Variants in SDK1 observed in about 807,000 individuals in gnomAD.
SDK1 encodes the protein sidekick cell adhesion molecule 1.
Under a neutral mutation model 245.5 loss-of-function variants are expected in SDK1, and 157 were observed. The observed-to-expected ratio is 0.64, with a 90% CI of 0.56 to 0.73. SDK1 has a LOEUF of 0.73. Among genes scored for constraint, SDK1 ranks in the 30% least tolerant of loss-of-function variants. The probability of loss-of-function intolerance (pLI) is 0.00; values close to 1 mark genes in which losing one functional copy is unlikely to be tolerated. For synonymous variants in SDK1, 1,647 were observed against 1,278.5 expected (o/e 1.29, Z -6.15); for missense variants, 3,583 against 3,002.3 (o/e 1.19, Z -4.52).
Position 3,515,293 on chromosome 7 carries a change from C to T in SDK1, c.299-103787C>T, listed in dbSNP as rs182326300. Among the ~76,000 whole-genome samples the T allele has an allele frequency of 4.9e-4, 75 of 152,206 alleles. 1 individual carries two copies. The East Asian group carries it at 0.014, about 28-fold the overall frequency. On this transcript the variant is annotated intron_variant, in intron 1 of 44. Transcript: ENST00000404826. ...TGTATTTTAGAAAAAGAAGAAAATT[C>T]GTTCTTCTTTTGTTGTGTCTATATT... is the stretch of plus-strand genomic sequence containing the variant.
chr7:3,366,218 C>G (rs1161496216), intron 1 of SDK1, among the ~76,000 whole-genome samples: 1 of 152,138 alleles, frequency 6.6e-6, no homozygotes, highest in Non-Finnish European at 1.5e-5. Context: ...GAGAAGCATT[C>G]TCTGTTTTCA....
intron 5 of SDK1, among the ~76,000 whole-genome samples, chr7:3,909,090 G>C (rs944191456): frequency 6.6e-6 from 1 of 152,182 alleles, no homozygotes; most frequent in Admixed American, 6.5e-5. Flanking sequence ...TGCCCTAAAA[G>C]TTATTTATTC....
At chr7:3,336,887 G>A (rs747337917) in intron 1 of SDK1, among the ~76,000 whole-genome samples, 152 of 152,192 alleles carry the variant, frequency 1.0e-3, no homozygotes, top group Non-Finnish European at 1.7e-3. Context: ...GGAGTGGGGG[G>A]CTAGTGGGTA....
At chr7:3,372,979 A>T (rs531290603) in intron 1 of SDK1, among the ~76,000 whole-genome samples, 1 of 152,218 alleles carries the variant, frequency 6.6e-6, no homozygotes, top group Non-Finnish European at 1.5e-5. Flanking sequence ...AATTTTGTAA[A>T]CTAAAATCCA....
intron 4 of SDK1, among the ~76,000 whole-genome samples, chr7:3,786,843 C>G (rs936279853): frequency 6.6e-6 from 1 of 152,028 alleles, no homozygotes; most frequent in African/African-American, 2.4e-5. Flanking sequence ...AGCTGGCACC[C>G]TACAACTCCC....
chr7:3,538,931 GT>G (rs1778973892), intron 1 of SDK1, among the ~76,000 whole-genome samples: 1 of 152,244 alleles, frequency 6.6e-6, no homozygotes, highest in Non-Finnish European at 1.5e-5. Flanking sequence ...CTTCTTGAAA[GT>G]TTTTTGCTGG....
chr7:3,386,044 C>G (rs529184534), intron 1 of SDK1, among the ~76,000 whole-genome samples: 2 of 152,004 alleles, frequency 1.3e-5, no homozygotes, highest in South Asian at 2.1e-4. Context: ...AGTAATATTA[C>G]TCAAATAAAC....
chr7:4,149,308 G>T lies in SDK1; in HGVS notation c.4470G>T (p.Val1490=). The T allele has an allele frequency of 6.3e-7, 1 of 1,584,598 alleles. No individual in the cohort carries two copies. The highest frequency in any genetic ancestry group is 1.2e-5 in the South Asian group (1 of 86,936). The change falls in exon 30 of 45, where the codon GTG becomes GTT. Residue 1490 remains valine (V), a synonymous_variant. Transcript: ENST00000404826. ...AGCTCCTGGTGCCCCAGGCAGAAGT[G>T]ACCGCACGCAGCCTCCGGCTCCAGT... ...PRELLVPQAE[V]TARSLRLQWV... is the part of the protein sequence containing the mutation.
chr7:3,831,921 CAT>C (rs1244336020), intron 5 of SDK1, among the ~76,000 whole-genome samples: 1 of 152,016 alleles, frequency 6.6e-6, no homozygotes, highest in Admixed American at 6.6e-5. Flanking sequence ...TGTGGTAGTG[CAT>C]ACCTGTGGCC....
chr7:3,435,980 T>C (rs544907866), intron 1 of SDK1, among the ~76,000 whole-genome samples: 1 of 152,248 alleles, frequency 6.6e-6, no homozygotes, highest in African/African-American at 2.4e-5. Flanking sequence ...ACATTAACTT[T>C]GGAGAGGTTT....
chr7:3,827,250 A>G (rs528158205), intron 5 of SDK1, among the ~76,000 whole-genome samples: 2 of 152,298 alleles, frequency 1.3e-5, no homozygotes, highest in East Asian at 3.9e-4. Flanking sequence ...ATAGATTTCC[A>G]AGGCGTAGGC....
In SDK1 at chr7:4,012,160, A is replaced by G. The variant is rs765916113; in HGVS notation, c.2345A>G (p.Asn782Ser). ...PKNIVASGRT[N>S]QSIMVQWQPP... is the part of the protein sequence containing the mutation. ...AATATAGTGGCCAGTGGGCGGACTA[A>G]TCAGTCCATTATGGTCCAGTGGCAG... The change falls in exon 16 of 45, where the codon AAT (asparagine) becomes AGT (serine). Residue 782 changes from asparagine to serine, a missense_variant. Asn to Ser is a conservative substitution (Grantham distance 46). Transcript: ENST00000404826. 23 of 1,581,000 alleles carry G rather than the reference A, an allele frequency of 1.5e-5. No homozygotes were observed. The highest frequency in any genetic ancestry group is 5.2e-6 in the Non-Finnish European group (6 of 1,163,850).
At chr7:3,897,658 C>T (rs1781647862) in intron 5 of SDK1, among the ~76,000 whole-genome samples, 1 of 152,108 alleles carries the variant, frequency 6.6e-6, no homozygotes, top group Non-Finnish European at 1.5e-5. Context: ...CCATTTGCCA[C>T]GTTCTTCTTA....
intron 16 of SDK1, among the ~76,000 whole-genome samples, chr7:4,012,549 CTTTT>C (rs777199429): frequency 7.7e-5 from 2 of 25,988 alleles, no homozygotes; most frequent in Non-Finnish European, 1.0e-4. Flanking sequence ...CAATGTGAAG[CTTTT>C]TTTTTTTTTT....
rs781148652 is a variant in SDK1, at chr7:3,642,033, C to A, written c.641C>A (p.Pro214His). The change falls in exon 4 of 45, where the codon CCC becomes CAC. Residue 214 changes from proline to histidine, a missense_variant. Pro to His is a moderately conservative substitution (Grantham distance 77). Transcript: ENST00000404826. ...CGTGCAGCGATTCTAAACCTGCTGC[C>A]CATCACCAGCTACCCCAGACCTCAA... ...QGRAAILNLL[P>H]ITSYPRPQVT... 3.1e-6 allele frequency: 5 copies of A among 1,613,366 alleles called. No homozygotes were observed. The African/African-American group carries it at 6.7e-5, about 22-fold the overall frequency.
intron 4 of SDK1, among the ~76,000 whole-genome samples, chr7:3,765,532 C>T (rs891825055): frequency 5.9e-5 from 9 of 152,114 alleles, no homozygotes; most frequent in Admixed American, 1.3e-4. Context: ...CGCTAGTTCT[C>T]GTTGTAGTGT....
intron 1 of SDK1, among the ~76,000 whole-genome samples, chr7:3,560,661 G>T (rs1174389554): frequency 1.3e-5 from 2 of 152,092 alleles, no homozygotes. Flanking sequence ...ATCAGAGCAG[G>T]TGGCACCCTT....
intron 35 of SDK1, among the ~76,000 whole-genome samples, chr7:4,187,930 G>A (rs943694914): frequency 2.0e-5 from 3 of 149,422 alleles, no homozygotes; most frequent in Non-Finnish European, 3.0e-5. Context: ...GAGGTTGAAC[G>A]GACTCCCAGT....
rs564596185 is a variant in SDK1, at chr7:3,743,746, C to T, written c.714-77704C>T. 1.7e-4 allele frequency among the ~76,000 whole-genome samples: 26 copies of T among 151,862 alleles called. No individual in the cohort carries two copies. In the East Asian group the frequency reaches 3.7e-3, roughly 22 times the overall value. ...AGGGTATATATCACCACTGTGTGTA[C>T]GAAAAAAATGATATAAAGAGTTGAA... On this transcript the variant is annotated intron_variant, in intron 4 of 44. Transcript: ENST00000404826.
Sources: allele counts gnomAD v4.1 joint callset (sites outside exome capture counted in the v4.1 genomes callset), GRCh38; gene constraint gnomAD v4.1.1; transcripts MANE v1.5; gene names NCBI Gene and HGNC (gene_info 2026-07-23, HGNC 2026-07-21).